UBASH3B: variants seen among roughly 807,000 people sequenced by gnomAD.
The protein encoded by UBASH3B is ubiquitin associated and SH3 domain containing B, also known as ubiquitin-associated and SH3 domain-containing protein B.
In UBASH3B, 37 loss-of-function variants were observed where a neutral mutation model predicts 83.4. That is an observed-to-expected ratio of 0.44 (90% CI 0.34 to 0.58). The LOEUF is 0.58. Ranked by LOEUF, UBASH3B falls within the 20% of genes least tolerant of loss-of-function variation. The pLI is 0.01. For synonymous variants in UBASH3B, 304 were observed against 318.3 expected (o/e 0.96, Z 0.48); for missense variants, 657 against 827.2 (o/e 0.79, Z 2.52).
chr11:122,734,668 A>G (rs916611525), intron 1 of UBASH3B, among the ~76,000 whole-genome samples: 1 of 152,144 alleles, frequency 6.6e-6, no homozygotes, highest in Non-Finnish European at 1.5e-5. Flanking sequence ...GTATTTTAAG[A>G]TGCAGCTTTC....
intron 1 of UBASH3B, among the ~76,000 whole-genome samples, chr11:122,742,509 C>T (rs924342232): frequency 3.3e-5 from 5 of 152,160 alleles, no homozygotes; most frequent in African/African-American, 7.2e-5. Flanking sequence ...GCTAGCCTGG[C>T]GGAAAAAGCC....
intron 1 of UBASH3B, among the ~76,000 whole-genome samples, chr11:122,726,634 C>T (rs1370066634): frequency 6.6e-6 from 1 of 152,152 alleles, no homozygotes; most frequent in Non-Finnish European, 1.5e-5. Flanking sequence ...AGCCACTGTG[C>T]CCAGCACCAA....
At chr11:122,674,659 G>T (rs1863642916) in intron 1 of UBASH3B, among the ~76,000 whole-genome samples, 1 of 151,100 alleles carries the variant, frequency 6.6e-6, no homozygotes, top group South Asian at 2.1e-4. Context: ...GGGATTATAG[G>T]CATGAGCCAC....
intron 5 of UBASH3B, among the ~76,000 whole-genome samples, chr11:122,783,876 T>C (rs1860900205): frequency 6.6e-6 from 1 of 151,984 alleles, no homozygotes; most frequent in Admixed American, 6.5e-5. Context: ...CCTAGCACCC[T>C]TCCTTTGAGG....
At chr11:122,788,390 G>C (rs1565565932) in intron 5 of UBASH3B, among the ~76,000 whole-genome samples, 1 of 152,084 alleles carries the variant, frequency 6.6e-6, no homozygotes, top group Non-Finnish European at 1.5e-5. Flanking sequence ...CCAACATGGT[G>C]AAACCCTGTC....
intron 1 of UBASH3B, among the ~76,000 whole-genome samples, chr11:122,737,041 C>G (rs1266024471): frequency 1.3e-5 from 2 of 152,050 alleles, no homozygotes; most frequent in Non-Finnish European, 1.5e-5. Flanking sequence ...GCCCACTGCT[C>G]AGCTGTGAGA....
In UBASH3B at chr11:122,813,395, C is replaced by T. The variant is rs999455657; in HGVS notation, c.*3509C>T. 6.6e-6 allele frequency: 1 copy of T among 152,150 alleles called. No homozygotes were observed. 9.4% of individuals were successfully genotyped at this position (152,150 alleles called of 1,614,324 possible). ...ATGTGGTAAAAGAAAGGCATTCCTC[C>T]GTAACCTAGGCACTCTGCAAGTCCA... is the stretch of plus-strand genomic sequence containing the variant. On this transcript the variant is annotated 3_prime_UTR_variant, in exon 14 of 14. Transcript: ENST00000284273.
At chr11:122,730,091 G>T (rs1860816831) in intron 1 of UBASH3B, among the ~76,000 whole-genome samples, 1 of 148,768 alleles carries the variant, frequency 6.7e-6, no homozygotes, top group Middle Eastern at 3.4e-3. Flanking sequence ...TTCAAAACCA[G>T]CCTGGCCAAC....
intron 1 of UBASH3B, among the ~76,000 whole-genome samples, chr11:122,664,534 G>A (rs1006859676): frequency 9.9e-5 from 15 of 152,196 alleles, no homozygotes; most frequent in African/African-American, 3.6e-4. Context: ...AGAATCTGTG[G>A]TTTTTCTCTT....
At chr11:122,768,716 G>C (rs966640449) in intron 1 of UBASH3B, among the ~76,000 whole-genome samples, 19 of 152,044 alleles carry the variant, frequency 1.2e-4, no homozygotes, top group African/African-American at 4.6e-4. Context: ...ATGTTGACCA[G>C]GCTGGTCTCA....
intron 1 of UBASH3B, among the ~76,000 whole-genome samples, chr11:122,762,625 A>G (rs916042304): frequency 6.6e-6 from 1 of 152,078 alleles, no homozygotes; most frequent in Non-Finnish European, 1.5e-5. Context: ...GCTCCCAACA[A>G]TCTGCGTCAT....
At chr11:122,716,485 A>G (rs1200853213) in intron 1 of UBASH3B, among the ~76,000 whole-genome samples, 1 of 152,182 alleles carries the variant, frequency 6.6e-6, no homozygotes, top group Non-Finnish European at 1.5e-5. Context: ...CCTCCACAAA[A>G]CACACACATA....
At chr11:122,690,793 G>A (rs535351165) in intron 1 of UBASH3B, among the ~76,000 whole-genome samples, 4 of 152,304 alleles carry the variant, frequency 2.6e-5, no homozygotes, top group South Asian at 2.1e-4. Context: ...GGTGGTGTGC[G>A]CTGCTAGTGG....
rs76545989 is a variant in UBASH3B at position 122,776,435 on chromosome 11, C to G, written c.215+163C>G. On this transcript the variant is annotated intron_variant, in intron 2 of 13. Coordinates refer to ENST00000284273, the MANE Select transcript of UBASH3B (RefSeq NM_032873.5). ...TATCAAGTCAATTGCCTCCTCTGCCCTGGCCCCAGGGTATGTTTCTCCTTG... is the reference window on the plus strand; with the variant it reads ...TATCAAGTCAATTGCCTCCTCTGCCGTGGCCCCAGGGTATGTTTCTCCTTG... Among the ~76,000 whole-genome samples, 429 of 152,258 alleles carry G rather than the reference C, an allele frequency of 2.8e-3. 1 individual carries two copies. The highest frequency in any genetic ancestry group is 9.9e-3 in the African/African-American group (412 of 41,540).
chr11:122,755,352 T>G (rs572192223), intron 1 of UBASH3B, among the ~76,000 whole-genome samples: 1 of 152,282 alleles, frequency 6.6e-6, no homozygotes, highest in African/African-American at 2.4e-5. Flanking sequence ...CAGTTGGCCT[T>G]TTGGCTTATA....
intron 1 of UBASH3B, among the ~76,000 whole-genome samples, chr11:122,690,628 C>T (rs1863882916): frequency 6.6e-6 from 1 of 152,128 alleles, no homozygotes; most frequent in Non-Finnish European, 1.5e-5. Context: ...TCCGAATCCA[C>T]TGGCTGTCAT....
At chr11:122,779,417 G>C in intron 3 of UBASH3B, 80 bp from the exon 4 acceptor site, 1 of 1,503,642 alleles carries the variant, frequency 6.7e-7, no homozygotes, top group Non-Finnish European at 9.2e-7. Flanking sequence ...AGTCTCTGGG[G>C]AGAGGATGCC....
At chr11:122,683,861 A>C (rs1173780810) in intron 1 of UBASH3B, among the ~76,000 whole-genome samples, 1 of 150,610 alleles carries the variant, frequency 6.6e-6, no homozygotes, top group Admixed American at 6.6e-5. Flanking sequence ...GTCTTTTCTG[A>C]TTTTTTTATT....
At position 122,779,692 on chromosome 11, in the gene UBASH3B, A is replaced by G. The variant is rs1449707168; in HGVS notation, c.598A>G (p.Thr200Ala). The change falls in exon 4 of 14, where the codon ACC (threonine) becomes GCC (alanine). Residue 200 changes from threonine (T) to alanine (A), a missense_variant. By Grantham distance (58) the Thr-to-Ala change is moderately conservative. Coordinates refer to ENST00000284273, the MANE Select transcript of UBASH3B (RefSeq NM_032873.5). ...CTTTGCTGCAGAGGCTGCATCCAAA[A>G]CCGGTGAGCAAACAGCTGCCAGGCC... Reference protein sequence around the residue: ...ADFAAEAASKTEVHVEPHKKQ... With the variant: ...ADFAAEAASKAEVHVEPHKKQ... 3.1e-6 allele frequency: 5 copies of G among 1,614,122 alleles called. No homozygotes were observed. Among genetic ancestry groups the G allele is most frequent in the Non-Finnish European group, 4.2e-6 (5 of 1,180,014 alleles).
Sources: allele counts gnomAD v4.1 joint callset (sites outside exome capture counted in the v4.1 genomes callset), GRCh38; gene constraint gnomAD v4.1.1; transcripts MANE v1.5; gene names NCBI Gene and HGNC (gene_info 2026-07-23, HGNC 2026-07-21).